LY75: variants seen among roughly 807,000 people sequenced by gnomAD.
LY75 encodes the protein lymphocyte antigen 75, also known as C-type lectin domain family 13 member B.
A neutral mutation model predicts 231.7 loss-of-function variants in LY75; 185 were observed. The observed-to-expected ratio is 0.80, with a 90% CI of 0.71 to 0.90. LY75 has a LOEUF of 0.90. LY75 is among the 40% of genes least tolerant of loss of function. The pLI, the probability that LY75 is intolerant of heterozygous loss-of-function variation, is 0.00. For missense variants in LY75, 1,947 were observed against 2,050.2 expected (o/e 0.95, Z 0.97); for synonymous variants, 668 against 689.0 (o/e 0.97, Z 0.48).
Position 159,853,717 on chromosome 2 carries a change from T to C in LY75, c.2596-20A>G. ...AGATATCTGAAAAACAAGCCAAACA[T>C]CCATCCTTATATGTGCTGAGCTTTC... is the stretch of plus-strand genomic sequence containing the variant. On this transcript the variant is annotated intron_variant, in intron 18 of 34. Coordinates refer to ENST00000263636, the MANE Select transcript of LY75 (RefSeq NM_002349.4). 6.2e-7 allele frequency: 1 copy of C among 1,613,016 alleles called. No homozygotes were observed.
chr2:159,825,313 G>A (rs538006095), intron 28 of LY75, among the ~76,000 whole-genome samples: 2 of 152,284 alleles, frequency 1.3e-5, no homozygotes, highest in East Asian at 3.9e-4. Context: ...ACTACCATCA[G>A]AGAATACTAT....
At chr2:159,872,238 T>C (rs1415183243) in intron 13 of LY75, 1 of 509,070 alleles carries the variant, frequency 2.0e-6, no homozygotes, top group Non-Finnish European at 3.3e-6. Context: ...AAACAAAGGG[T>C]AGGGAATACA....
rs1310102353 is a variant in LY75, at chr2:159,850,084, A to T, written c.3046T>A (p.Trp1016Arg). The T allele has an allele frequency of 4.3e-6, 7 of 1,613,846 alleles. No homozygotes were observed. The highest frequency in any genetic ancestry group is 5.9e-6 in the Non-Finnish European group (7 of 1,179,912). The change falls in exon 23 of 35, where the codon TGG becomes AGG. Residue 1016 changes from tryptophan (W) to arginine (R), a missense_variant. Physicochemically the swap from Trp to Arg is moderately radical, Grantham distance 101. Transcript: ENST00000263636. ...MEATLWIGLR[W>R]TAYEKINKWT... is the part of the protein sequence containing the mutation. ...TTGTTTATCTTTTCATAGGCAGTCC[A>T]GCGCAAACCAATCCATAAAGTAGCT...
chr2:159,862,849 T>C (rs1684755146), intron 14 of LY75, among the ~76,000 whole-genome samples: 1 of 152,092 alleles, frequency 6.6e-6, no homozygotes, highest in African/African-American at 2.4e-5. Context: ...TTTTCAAGAA[T>C]ATAAAATATT....
At chr2:159,844,477 C>T (rs912536878) in intron 23 of LY75, among the ~76,000 whole-genome samples, 2 of 151,970 alleles carry the variant, frequency 1.3e-5, no homozygotes, top group African/African-American at 4.8e-5. Context: ...GTTTAACAAC[C>T]TGTTGAGGTC....
At position 159,816,955 on chromosome 2, in the gene LY75, T is replaced by C; in HGVS notation, c.4231A>G (p.Lys1411Glu). Residue 1411 changes from lysine to glutamate, a missense_variant, in exon 30 of 35, where the codon AAA (lysine) becomes GAA (glutamate). Coordinates refer to ENST00000263636, the MANE Select transcript of LY75 (RefSeq NM_002349.4). Reference sequence around the variant, plus strand: ...AATGCTTCATACCATGTTACCTTTTTTTGAATAACACTGTAAATACCATCT... The same window carrying C: ...AATGCTTCATACCATGTTACCTTTTCTTGAATAACACTGTAAATACCATCT... ...YEDGIYSVIQKKVTWYEALNM... is the reference protein window; with the variant it reads ...YEDGIYSVIQEKVTWYEALNM... 6.2e-7 allele frequency: 1 copy of C among 1,614,208 alleles called. No homozygotes were observed. Among genetic ancestry groups the C allele is most frequent in the Non-Finnish European group, 8.5e-7 (1 of 1,180,020 alleles).
Position 159,840,891 on chromosome 2 carries a change from G to A in LY75, c.3345C>T (p.Tyr1115=). 1 of 1,613,992 alleles carries A rather than the reference G, an allele frequency of 6.2e-7. No individual in the cohort carries two copies. The change falls in exon 25 of 35, where the codon TAC becomes TAT. Residue 1115 remains tyrosine (Y), a synonymous_variant. Coordinates refer to ENST00000263636, the MANE Select transcript of LY75 (RefSeq NM_002349.4). ...SETVKYLNNL[Y]KIIPKTLTWH... is the part of the protein sequence containing the mutation. ...AAGTCAGAGTCTTTGGGATTATTTT[G>A]TACAGATTATTTAGATACTTTACAG...
rs777959818 is a variant in LY75, at chr2:159,842,355, C to T, written c.3170G>A (p.Arg1057His). 2.2e-5 allele frequency: 35 copies of T among 1,609,660 alleles called. No homozygotes were observed. The highest frequency in any genetic ancestry group is 1.1e-4 in the African/African-American group (8 of 74,386). The change falls in exon 24 of 35, where the codon CGC becomes CAC. Residue 1057 changes from arginine (R) to histidine (H), a missense_variant. By Grantham distance (29) the Arg-to-His change is conservative. Coordinates refer to ENST00000263636, the MANE Select transcript of LY75 (RefSeq NM_002349.4). ...GTTGAGTATTAGGGCACAGTGGTAG[C>T]GAGACTCTTCCTCAAAAAACTAAAC... ...IPENFFEEES[R>H]YHCALILNLQ... is the part of the protein sequence containing the mutation.
chr2:159,880,636 T>C (rs1029118525), intron 8 of LY75, among the ~76,000 whole-genome samples: 5 of 152,230 alleles, frequency 3.3e-5, no homozygotes, highest in African/African-American at 1.2e-4. Context: ...ATTTACCTTT[T>C]TAAAGTAGCT....
chr2:159,887,568 A>AC (rs1340413087), intron 4 of LY75, among the ~76,000 whole-genome samples: 16 of 87,538 alleles, frequency 1.8e-4, no homozygotes, highest in Admixed American at 4.8e-4. Flanking sequence ...AACAACAACA[A>AC]AAAAAAAAAA....
intron 11 of LY75, among the ~76,000 whole-genome samples, chr2:159,876,678 T>G (rs1397197312): frequency 6.6e-6 from 1 of 151,674 alleles, no homozygotes; most frequent in African/African-American, 2.4e-5. Flanking sequence ...CAAGACTTAG[T>G]TATCAAGAAC....
intron 10 of LY75, 28 bp from the exon 11 acceptor site, chr2:159,878,521 T>A (rs754327628): frequency 9.9e-6 from 16 of 1,612,976 alleles, no homozygotes; most frequent in African/African-American, 1.3e-5. Context: ...AATTGGCAAG[T>A]GTTTCACAAT....
intron 13 of LY75, among the ~76,000 whole-genome samples, chr2:159,868,733 C>G (rs1024027508): frequency 3.3e-5 from 5 of 152,146 alleles, no homozygotes; most frequent in Admixed American, 1.3e-4. Flanking sequence ...TTCATTAGTA[C>G]TTATCCATGG....
At chr2:159,872,334 A>T in intron 13 of LY75, 117 bp downstream of exon 13, 1 of 1,343,330 alleles carries the variant, frequency 7.4e-7, no homozygotes, top group Non-Finnish European at 1.0e-6. Flanking sequence ...ATGACCTTTT[A>T]GATAATAAAA....
rs532211824 is a variant in LY75 at position 159,835,363 on chromosome 2, A to T, written c.3673+117T>A. The stretch of plus-strand genomic sequence containing the variant: ...ACAACAAATGTTGCCATAAAAAGAC[A>T]TGACTATAATTTCTTCACAATTCCA... On this transcript the variant is annotated intron_variant, in intron 26 of 34. Coordinates refer to ENST00000263636, the MANE Select transcript of LY75 (RefSeq NM_002349.4). The T allele has an allele frequency of 4.5e-4, 509 of 1,128,558 alleles. 7 individuals carry two copies. The East Asian group carries it at 0.014, about 32-fold the overall frequency. 69.9% of individuals were successfully genotyped at this position (1,128,558 alleles called of 1,614,324 possible).
intron 29 of LY75, among the ~76,000 whole-genome samples, chr2:159,818,354 C>T (rs1683185205): frequency 6.6e-6 from 1 of 152,166 alleles, no homozygotes; most frequent in South Asian, 2.1e-4. Flanking sequence ...TGAGAATGCT[C>T]CCTCACATCT....
chr2:159,820,020 C>A, intron 28 of LY75, 100 bp from the exon 29 acceptor site: 1 of 1,215,036 alleles, frequency 8.2e-7, no homozygotes, highest in Non-Finnish European at 1.1e-6. Context: ...TTCTCTTTTC[C>A]CAACCTTCTA....
intron 24 of LY75, among the ~76,000 whole-genome samples, chr2:159,841,446 A>G (rs904863019): frequency 3.3e-5 from 5 of 152,184 alleles, no homozygotes; most frequent in African/African-American, 1.2e-4. Context: ...TTAGCAAAAA[A>G]AAATTCTGCC....
chr2:159,883,140 G>T, intron 6 of LY75, among the ~76,000 whole-genome samples: 1 of 129,532 alleles, frequency 7.7e-6, no homozygotes, highest in Admixed American at 7.9e-5. Context: ...TGGGGGGAGG[G>T]GGAGGGGGGA....
Sources: allele counts gnomAD v4.1 joint callset (sites outside exome capture counted in the v4.1 genomes callset), GRCh38; gene constraint gnomAD v4.1.1; transcripts MANE v1.5; gene names NCBI Gene and HGNC (gene_info 2026-07-23, HGNC 2026-07-21).